The following ALG12 variants were observed in gnomAD, a reference collection of about 807,000 sequenced individuals.
ALG12 encodes ALG12 alpha-1,6-mannosyltransferase.
In ALG12, 36 loss-of-function variants were observed where a neutral mutation model predicts 46.0. That is an observed-to-expected ratio of 0.78 (90% CI 0.60 to 1.03). The LOEUF is 1.03. Among genes scored for constraint, ALG12 ranks in the 50% least tolerant of loss-of-function variants. The pLI is 0.00. For synonymous variants in ALG12, 326 were observed against 291.6 expected, an observed-to-expected ratio of 1.12 and a Z score of -1.20; for missense variants, 599 against 633.5, an observed-to-expected ratio of 0.95 and a Z score of 0.58.
chr22:49,885,900 C>T, the ALG12 span: 3 of 1,059,100 alleles, frequency 2.8e-6, no homozygotes, highest in South Asian at 3.9e-5. Flanking sequence ...ACCTGACCCT[C>T]ACGGCCCACT....
At chr22:49,911,505 G>C (rs867454407) in intron 3 of ALG12, among the ~76,000 whole-genome samples, 2 of 152,038 alleles carry the variant, frequency 1.3e-5, no homozygotes, top group South Asian at 4.1e-4. Flanking sequence ...CATAATCTCG[G>C]CTCACTGCAA....
rs1222745431 is a variant in ALG12, at chr22:49,900,475, C to T, written c.*3363G>A. Reference sequence around the variant, plus strand: ...GGAAGGATGAACCCAGCTGTATTTCCAACGAAGGCACCACTACACTGACGG... The same window carrying T: ...GGAAGGATGAACCCAGCTGTATTTCTAACGAAGGCACCACTACACTGACGG... On this transcript the variant is annotated 3_prime_UTR_variant, in exon 10 of 10. Coordinates refer to ENST00000330817, the MANE Select transcript of ALG12 (RefSeq NM_024105.4). The T allele has an allele frequency of 6.6e-6, 1 of 152,192 alleles. No individual in the cohort carries two copies. Among genetic ancestry groups the T allele is most frequent in the Non-Finnish European group, 1.5e-5 (1 of 68,102 alleles). 9.4% of individuals were successfully genotyped at this position (152,192 alleles called of 1,614,324 possible). A position where few individuals can be genotyped will look rare whatever the true frequency, so the allele number is the denominator to read the frequency against.
the ALG12 span, among the ~76,000 whole-genome samples, chr22:49,876,343 C>G: frequency 2.1e-4 from 32 of 152,090 alleles, no homozygotes; most frequent in East Asian, 6.2e-3. Context: ...TTTTTATGTA[C>G]CTGTTGGTTA....
rs749156618 is a variant in ALG12 at position 49,913,497 on chromosome 22, G to C, written c.183C>G (p.Pro61=). The C allele has an allele frequency of 6.2e-6, 10 of 1,613,976 alleles. No individual in the cohort carries two copies. Among genetic ancestry groups the C allele is most frequent in the Non-Finnish European group, 8.5e-6 (10 of 1,180,044 alleles). The change falls in exon 3 of 10, where the codon CCC becomes CCG. Residue 61 remains proline, a synonymous_variant. Coordinates refer to ENST00000330817, the MANE Select transcript of ALG12 (RefSeq NM_024105.4). ...DLEQYDHLEF[P]GVVPRTFLGP... is the part of the protein sequence containing the mutation. ...CGAGGAACGTCCTGGGGACGACTCCGGGGAACTCAAGATGGTCGTACTGCG... is the reference window on the plus strand; with the variant it reads ...CGAGGAACGTCCTGGGGACGACTCCCGGGAACTCAAGATGGTCGTACTGCG...
At chr22:49,870,051 C>A in the ALG12 span, among the ~76,000 whole-genome samples, 1 of 152,176 alleles carries the variant, frequency 6.6e-6, no homozygotes, top group Non-Finnish European at 1.5e-5. Flanking sequence ...TGCTTAGCTC[C>A]CACTGATAGG....
the ALG12 span, among the ~76,000 whole-genome samples, chr22:49,866,741 C>A: frequency 6.6e-6 from 1 of 152,150 alleles, no homozygotes; most frequent in Non-Finnish European, 1.5e-5. Context: ...GAATTCTTTT[C>A]TGTTGCCTAT....
At chr22:49,894,055 C>T in the ALG12 span, among the ~76,000 whole-genome samples, 1 of 152,180 alleles carries the variant, frequency 6.6e-6, no homozygotes, top group Non-Finnish European at 1.5e-5. Flanking sequence ...ATCCCAGCTA[C>T]TCGGGAGGTT....
In ALG12 at chr22:49,909,273, T is replaced by C. The variant is rs1048716903; in HGVS notation, c.739A>G (p.Thr247Ala). Reference sequence around the variant, plus strand: ...CAGTTGGAGCTTTTGTTCAGGACAGTGTTGTACCAAAGCACCTTTCCTTCC... The same window carrying C: ...CAGTTGGAGCTTTTGTTCAGGACAGCGTTGTACCAAAGCACCTTTCCTTCC... ...WPEGKVLWYN[T>A]VLNKSSNWGT... The change falls in exon 6 of 10, where the codon ACT becomes GCT. Residue 247 changes from threonine (T) to alanine (A), a missense_variant. By Grantham distance (58) the Thr-to-Ala change is moderately conservative (BLOSUM62 0). Coordinates refer to ENST00000330817, the MANE Select transcript of ALG12 (RefSeq NM_024105.4). 3 of 1,614,224 alleles carry C rather than the reference T, an allele frequency of 1.9e-6. No homozygotes were observed. Among genetic ancestry groups the C allele is most frequent in the Non-Finnish European group, 2.5e-6 (3 of 1,180,030 alleles).
In ALG12 at chr22:49,913,535, G is replaced by GTTCA. The variant is rs773916345; in HGVS notation, c.163-19_163-18insTGAA. ...TGGTCGTACTGCGAGGAGAAGGGCAGGTCAGTGCACCGGGGCCCTGCCAGC... is the reference window on the plus strand; with the variant it reads ...TGGTCGTACTGCGAGGAGAAGGGCAGTTCAGTCAGTGCACCGGGGCCCTGCCAGC... On this transcript the variant is annotated intron_variant, in intron 2 of 9. Transcript: ENST00000330817. The GTTCA allele has an allele frequency of 7.4e-6, 12 of 1,613,988 alleles. No individual in the cohort carries two copies. The South Asian group carries it at 1.1e-4, about 15-fold the overall frequency.
the ALG12 span, among the ~76,000 whole-genome samples, chr22:49,873,426 G>C: frequency 6.6e-6 from 1 of 152,198 alleles, no homozygotes; most frequent in Non-Finnish European, 1.5e-5. Context: ...TTCACTGTCT[G>C]ACATGGGTGT....
At chr22:49,869,629 G>A in the ALG12 span, among the ~76,000 whole-genome samples, 14 of 152,220 alleles carry the variant, frequency 9.2e-5, no homozygotes, top group East Asian at 2.5e-3. Flanking sequence ...AAAGTCAGCA[G>A]TGTATCTCAT....
the ALG12 span, among the ~76,000 whole-genome samples, chr22:49,894,368 A>G: frequency 1.5e-3 from 235 of 152,358 alleles, no homozygotes; most frequent in Non-Finnish European, 2.6e-3. Context: ...AGCATATTAA[A>G]TGTAAGTGGA....
chr22:49,865,986 G>A, the ALG12 span, among the ~76,000 whole-genome samples: 661 of 151,346 alleles, frequency 4.4e-3, 5 homozygotes, highest in Non-Finnish European at 6.2e-3. Flanking sequence ...CTGATTATAC[G>A]CGTGGGCCAC....
At chr22:49,861,001 T>TTC in the ALG12 span, among the ~76,000 whole-genome samples, 1 of 150,946 alleles carries the variant, frequency 6.6e-6, no homozygotes, top group Non-Finnish European at 1.5e-5. Context: ...CTGGTCTCGA[T>TTC]CTGAGCTCAG....
intron 6 of ALG12, among the ~76,000 whole-genome samples, chr22:49,908,494 C>T (rs1445124574): frequency 7.7e-6 from 1 of 129,898 alleles, no homozygotes; most frequent in Non-Finnish European, 1.6e-5. Context: ...TGCCACTGTA[C>T]TCCAACCTGG....
chr22:49,862,459 G>A, the ALG12 span, among the ~76,000 whole-genome samples: 1 of 152,200 alleles, frequency 6.6e-6, no homozygotes, highest in Non-Finnish European at 1.5e-5. Context: ...GTGTGGCACA[G>A]ATACAGAAAC....
chr22:49,880,203 C>A, the ALG12 span, among the ~76,000 whole-genome samples: 1 of 152,110 alleles, frequency 6.6e-6, no homozygotes, highest in Non-Finnish European at 1.5e-5. Flanking sequence ...GCCCACTGTT[C>A]AGTCCGGACC....
chr22:49,915,430 G>A (rs1286988842), intron 1 of ALG12, among the ~76,000 whole-genome samples: 7 of 151,990 alleles, frequency 4.6e-5, no homozygotes, highest in African/African-American at 9.7e-5. Context: ...GGTAGTGCAC[G>A]CCTATAATCC....
chr22:49,885,101 G>A, the ALG12 span: 1 of 1,613,966 alleles, frequency 6.2e-7, no homozygotes, highest in Non-Finnish European at 8.5e-7. Flanking sequence ...TGTCGGTACT[G>A]CGGCTGTGCC....
Sources: gnomAD v4.1 joint callset for allele counts (sites outside exome capture counted in the v4.1 genomes callset) on GRCh38, gnomAD v4.1.1 for gene constraint, MANE v1.5 for transcripts, NCBI Gene and HGNC (gene_info 2026-07-23, HGNC 2026-07-21) for gene names.